PLXDC2: variants seen among roughly 807,000 people sequenced by gnomAD.
PLXDC2 encodes the protein plexin domain containing 2.
A neutral mutation model predicts 68.9 loss-of-function variants in PLXDC2; 40 were observed. The ratio of observed to expected loss-of-function variants is 0.58; its 90% CI spans 0.45 to 0.76. The LOEUF is 0.76. PLXDC2 is among the 30% of genes least tolerant of loss of function. The pLI is 0.00. For synonymous variants in PLXDC2, 243 were observed against 234.2 expected (o/e 1.04, Z -0.34); for missense variants, 644 against 661.9 (o/e 0.97, Z 0.30).
chr10:20,266,543 A>G (rs1370873052), intron 13 of PLXDC2, among the ~76,000 whole-genome samples: 1 of 152,198 alleles, frequency 6.6e-6, no homozygotes, highest in African/African-American at 2.4e-5. Context: ...GAATATATTT[A>G]GGATAACTGA....
At chr10:20,134,185 A>G (rs899235405) in intron 4 of PLXDC2, among the ~76,000 whole-genome samples, 2 of 152,072 alleles carry the variant, frequency 1.3e-5, no homozygotes, top group East Asian at 1.9e-4. Flanking sequence ...ATTATTTTCA[A>G]TTCTTTGTCA....
At chr10:20,149,229 C>CA (rs1834120053) in intron 6 of PLXDC2, among the ~76,000 whole-genome samples, 1 of 34,926 alleles carries the variant, frequency 2.9e-5, no homozygotes, top group Non-Finnish European at 4.8e-5. Flanking sequence ...TTTTTCTTTT[C>CA]TTTTTTTTTT....
intron 2 of PLXDC2, among the ~76,000 whole-genome samples, chr10:20,037,139 C>T (rs1835590878): frequency 6.6e-6 from 1 of 152,116 alleles, no homozygotes; most frequent in Non-Finnish European, 1.5e-5. Flanking sequence ...ACTTACAGTG[C>T]CTATTTAGAG....
intron 8 of PLXDC2, 91 bp from the exon 9 acceptor site, chr10:20,177,237 G>C: frequency 1.5e-6 from 2 of 1,335,562 alleles, no homozygotes; most frequent in Non-Finnish European, 2.2e-6. Context: ...CTGAGGATTA[G>C]GGGGCAGTGA....
intron 3 of PLXDC2, among the ~76,000 whole-genome samples, chr10:20,066,468 A>G (rs1189850315): frequency 2.0e-5 from 3 of 152,244 alleles, no homozygotes; most frequent in Admixed American, 2.0e-4. Flanking sequence ...ATAAATTAGA[A>G]TGATGGAAAA....
intron 12 of PLXDC2, among the ~76,000 whole-genome samples, chr10:20,229,490 T>TCA (rs1835331502): frequency 8.0e-6 from 1 of 124,960 alleles, no homozygotes; most frequent in Non-Finnish European, 1.6e-5. Flanking sequence ...TGCGTATTAC[T>TCA]CACGTAATAT....
intron 4 of PLXDC2, chr10:20,071,351 G>A (rs1325977130): frequency 2.0e-5 from 3 of 152,178 alleles, no homozygotes; most frequent in Non-Finnish European, 2.9e-5. Context: ...TGTTGATATG[G>A]TTTGGCTGTG....
chr10:19,876,372 C>T (rs1837632204), intron 1 of PLXDC2, among the ~76,000 whole-genome samples: 1 of 151,994 alleles, frequency 6.6e-6, no homozygotes, highest in Non-Finnish European at 1.5e-5. Flanking sequence ...GGTTTCTCAA[C>T]CCACATTATG....
intron 4 of PLXDC2, among the ~76,000 whole-genome samples, chr10:20,112,214 G>A (rs1012411018): frequency 6.6e-6 from 1 of 151,892 alleles, no homozygotes; most frequent in African/African-American, 2.4e-5. Context: ...TGTTGTTTAA[G>A]CCATCCAGTC....
At chr10:20,105,486 TGTTC>T (rs75338013) in intron 4 of PLXDC2, among the ~76,000 whole-genome samples, 55,953 of 151,764 alleles carry the variant, frequency 0.37, 14,306 homozygotes, top group African/African-American at 0.73. Context: ...AGCAAATATT[TGTTC>T]GTTCTTATTT....
At chr10:20,161,330 T>TAA (rs35416320) in intron 6 of PLXDC2, among the ~76,000 whole-genome samples, 2 of 149,160 alleles carry the variant, frequency 1.3e-5, no homozygotes, top group South Asian at 2.1e-4. Flanking sequence ...AAATAAAAAT[T>TAA]AAAAAAAAAA....
rs1484131963 is a variant in PLXDC2 at position 20,284,330 on chromosome 10, T to TATATATATATATATATATATACAC, written c.*4512_*4513insTATATATATATATATATATACACA. 1.5e-3 allele frequency: 189 copies of TATATATATATATATATATATACAC among 126,290 alleles called. 1 individual carries two copies. Among genetic ancestry groups the TATATATATATATATATATATACAC allele is most frequent in the African/African-American group, 2.8e-3 (96 of 34,352 alleles). 7.8% of individuals were successfully genotyped at this position (126,290 alleles called of 1,614,324 possible). On this transcript the variant is annotated 3_prime_UTR_variant, in exon 14 of 14. Transcript: ENST00000377252. Reference sequence around the variant, plus strand: ...AAATATACATATATATATATATATATACACACACACACACACACACACAAA... The same window carrying TATATATATATATATATATATACAC: ...AAATATACATATATATATATATATATATATATATATATATATATATACACACACACACACACACACACACACAAA...
chr10:19,842,987 C>G (rs1836936988), intron 1 of PLXDC2, among the ~76,000 whole-genome samples: 1 of 152,130 alleles, frequency 6.6e-6, no homozygotes. Flanking sequence ...CCCCACATAG[C>G]TTCAATTTAA....
chr10:19,857,474 A>G (rs1837236350), intron 1 of PLXDC2, among the ~76,000 whole-genome samples: 1 of 152,196 alleles, frequency 6.6e-6, no homozygotes, highest in Non-Finnish European at 1.5e-5. Context: ...TTTTTTAACC[A>G]AGAATTATTC....
chr10:19,938,225 C>A (rs894089242), intron 1 of PLXDC2, among the ~76,000 whole-genome samples: 2 of 152,104 alleles, frequency 1.3e-5, no homozygotes, highest in African/African-American at 4.8e-5. Flanking sequence ...TCAGTGGTTA[C>A]CATGGCAGGA....
At chr10:20,164,395 A>T in intron 6 of PLXDC2, 73 bp from the exon 7 acceptor site, 3 of 1,174,912 alleles carry the variant, frequency 2.6e-6, no homozygotes, top group Non-Finnish European at 3.8e-6. Context: ...ATGAAACAAG[A>T]GGATCCTACT....
intron 13 of PLXDC2, among the ~76,000 whole-genome samples, chr10:20,254,180 CT>C (rs1835714093): frequency 6.6e-6 from 1 of 152,186 alleles, no homozygotes; most frequent in Non-Finnish European, 1.5e-5. Flanking sequence ...AGAAATATTT[CT>C]GGATCACAAG....
chr10:19,945,021 A>C (rs1473111928), intron 1 of PLXDC2, among the ~76,000 whole-genome samples: 1 of 152,216 alleles, frequency 6.6e-6, no homozygotes, highest in African/African-American at 2.4e-5. Context: ...GCCTTGTTTG[A>C]AGCTGGTTTG....
chr10:20,261,681 C>T (rs1277052609), intron 13 of PLXDC2, among the ~76,000 whole-genome samples: 2 of 151,952 alleles, frequency 1.3e-5, no homozygotes, highest in Non-Finnish European at 2.9e-5. Context: ...ATGGAGAAAC[C>T]CCGTCTCTAC....
Sources: gnomAD v4.1 joint callset for allele counts (sites outside exome capture counted in the v4.1 genomes callset) on GRCh38, gnomAD v4.1.1 for gene constraint, MANE v1.5 for transcripts, NCBI Gene and HGNC (gene_info 2026-07-23, HGNC 2026-07-21) for gene names.